The following SIAE variants were observed in gnomAD, a reference collection of about 807,000 sequenced individuals.
SIAE encodes the protein sialate O-acetylesterase.
A neutral mutation model predicts 52.6 loss-of-function variants in SIAE; 39 were observed. The observed-to-expected ratio is 0.74, with a 90% CI of 0.57 to 0.97. The LOEUF (loss-of-function observed/expected upper bound fraction) is 0.97, where lower values mean the gene tolerates loss of function less well. Among genes scored for constraint, SIAE ranks in the 50% least tolerant of loss-of-function variants. SIAE has a pLI of 0.00. For missense variants in SIAE, 592 were observed against 662.1 expected, an observed-to-expected ratio of 0.89 and a Z score of 1.16; for synonymous variants, 233 against 241.4, an observed-to-expected ratio of 0.97 and a Z score of 0.32.
intron 7 of SIAE, among the ~76,000 whole-genome samples, chr11:124,641,325 CAT>C (rs1036120733): frequency 2.6e-5 from 4 of 152,086 alleles, no homozygotes; most frequent in African/African-American, 4.8e-5. Context: ...TCACACTTCA[CAT>C]GTTAGAAGCA....
In SIAE at chr11:124,669,424, G is replaced by C. The variant is rs143489313; in HGVS notation, c.165C>G (p.Ala55=). 1.2e-6 allele frequency: 2 copies of C among 1,614,038 alleles called. No homozygotes were observed. The change falls in exon 2 of 10, where the codon GCC becomes GCG. Residue 55 remains alanine, a synonymous_variant. Coordinates refer to ENST00000263593, the MANE Select transcript of SIAE (RefSeq NM_170601.5). ...CTTGGCGCAGGGTCACGGTCACTGT[G>C]GCTCCAGGTGTACCGAAGCCCCATA... is the stretch of plus-strand genomic sequence containing the variant. The part of the protein sequence containing the change: ...AVIWGFGTPG[A]TVTVTLRQGQ...
At chr11:124,660,949 T>C (rs1003507117) in intron 2 of SIAE, 146 bp from the exon 3 acceptor site, 3 of 839,740 alleles carry the variant, frequency 3.6e-6, no homozygotes, top group East Asian at 2.5e-5. Flanking sequence ...GATAAGAGGA[T>C]AGAACTAACA....
At chr11:124,663,627 A>G (rs1943224937) in intron 2 of SIAE, among the ~76,000 whole-genome samples, 1 of 152,212 alleles carries the variant, frequency 6.6e-6, no homozygotes, top group Non-Finnish European at 1.5e-5. Flanking sequence ...AAGCATATAC[A>G]AAGGACAGCA....
intron 4 of SIAE, among the ~76,000 whole-genome samples, chr11:124,651,314 G>C (rs2134369170): frequency 6.6e-6 from 1 of 152,258 alleles, no homozygotes; most frequent in African/African-American, 2.4e-5. Context: ...TTGGGAGGCT[G>C]AAGCAGGCAG....
chr11:124,656,939 A>T lies in SIAE; in HGVS notation c.406-2146T>A, dbSNP rs1009995084. Reference sequence around the variant, plus strand: ...GCTGGCTCGCTTTCCACCCCCACCCACCCACCACAGAGAATACAGCTGGCC... The same window carrying T: ...GCTGGCTCGCTTTCCACCCCCACCCTCCCACCACAGAGAATACAGCTGGCC... On this transcript the variant is annotated intron_variant, in intron 3 of 9. Transcript: ENST00000263593. Among the ~76,000 whole-genome samples, 16 of 134,886 alleles carry T rather than the reference A, an allele frequency of 1.2e-4. No individual in the cohort carries two copies. In the Admixed American group the frequency reaches 1.2e-3, roughly 10 times the overall value. 88.5% of individuals were successfully genotyped at this position (134,886 alleles called of 152,430 possible). A position where few individuals can be genotyped will look rare whatever the true frequency, so the allele number is the denominator to read the frequency against.
intron 4 of SIAE, among the ~76,000 whole-genome samples, chr11:124,651,156 TACCATGTATCAGGA>T (rs1301241587): frequency 6.6e-6 from 1 of 152,154 alleles, no homozygotes; most frequent in Non-Finnish European, 1.5e-5. Context: ...ACAGAGCACC[TACCATGTATCAGGA>T]ACTACTAGAT....
At chr11:124,642,868 G>A (rs900188590) in intron 7 of SIAE, among the ~76,000 whole-genome samples, 9 of 152,072 alleles carry the variant, frequency 5.9e-5, no homozygotes, top group African/African-American at 1.9e-4. Flanking sequence ...TAGAAGCCAG[G>A]CCCCCTCCCC....
chr11:124,654,441 A>C, intron 4 of SIAE: 1 of 985,388 alleles, frequency 1.0e-6, no homozygotes, highest in Non-Finnish European at 1.2e-6. Context: ...TTGAAGGAAG[A>C]CTCATTTCCC....
chr11:124,659,633 CTT>C, intron 3 of SIAE: 1 of 80,934 alleles, frequency 1.2e-5, no homozygotes, highest in Admixed American at 2.0e-4. Flanking sequence ...GACCTTATCT[CTT>C]TAAAAAAAAA....
Position 124,645,457 on chromosome 11 carries a change from A to G in SIAE, c.966+1908T>C, listed in dbSNP as rs921108362. 6.6e-6 allele frequency among the ~76,000 whole-genome samples: 1 copy of G among 151,812 alleles called. No homozygotes were observed. Among genetic ancestry groups the G allele is most frequent in the Non-Finnish European group, 1.5e-5 (1 of 67,990 alleles). ...GCTGGGATTACAGGGATGCGCCACC[A>G]CACCCGACTAATTTTGTATTTTTAG... On this transcript the variant is annotated intron_variant, in intron 7 of 9. Coordinates refer to ENST00000263593, the MANE Select transcript of SIAE (RefSeq NM_170601.5). This position sits in a 1 kb window ranked among gnomAD's most constrained non-coding sequence, Gnocchi z 4.7.
Position 124,654,669 on chromosome 11 carries a change from GACC to G in SIAE, c.527_529del (p.Trp176del). 1 of 1,614,154 alleles carries G rather than the reference GACC, an allele frequency of 6.2e-7. No individual in the cohort carries two copies. On this transcript the variant is annotated inframe_deletion, in exon 4 of 10. Transcript: ENST00000263593. The stretch of plus-strand genomic sequence containing the variant: ...CCGTCACATACCTGAGGTGGGCTTA[GACC>G]ACTGCAAGTCAACCGCAACAAGGTC...
At chr11:124,652,711 A>T (rs11219742) in intron 4 of SIAE, among the ~76,000 whole-genome samples, 3 of 145,652 alleles carry the variant, frequency 2.1e-5, no homozygotes, top group African/African-American at 7.9e-5. Context: ...AAAAAAAAAA[A>T]GGGGGAAGAG....
At chr11:124,643,803 T>A (rs948995583) in intron 7 of SIAE, among the ~76,000 whole-genome samples, 1 of 152,152 alleles carries the variant, frequency 6.6e-6, no homozygotes, top group Non-Finnish European at 1.5e-5. Flanking sequence ...CAAACCATGA[T>A]CTAACTGTAA....
intron 2 of SIAE, among the ~76,000 whole-genome samples, chr11:124,663,068 C>T (rs1943213528): frequency 6.6e-6 from 1 of 151,818 alleles, no homozygotes. Context: ...CACTTGAACC[C>T]AGGAGGTGGA....
At chr11:124,671,914 A>C (rs1591398602) in intron 1 of SIAE, among the ~76,000 whole-genome samples, 2 of 148,484 alleles carry the variant, frequency 1.3e-5, no homozygotes, top group Admixed American at 1.3e-4. Flanking sequence ...GGCATGTGCC[A>C]CCACACCTGG....
chr11:124,636,767 G>A lies in SIAE; in HGVS notation c.*184C>T, dbSNP rs1487929954. On this transcript the variant is annotated 3_prime_UTR_variant, in exon 10 of 10. Coordinates refer to ENST00000263593, the MANE Select transcript of SIAE (RefSeq NM_170601.5). ...AGACCAACTAGGGAACAAAAAGCAA[G>A]CATTTCAAGTTACCTATAAGCCTGG... 3.7e-6 allele frequency: 3 copies of A among 805,916 alleles called. No individual in the cohort carries two copies. The highest frequency in any genetic ancestry group is 5.9e-6 in the Non-Finnish European group (3 of 509,274). The allele number at this position is 805,916 out of a possible 1,614,324, so 49.9% of individuals were successfully genotyped here.
chr11:124,672,577 G>A (rs1943381345), intron 1 of SIAE, among the ~76,000 whole-genome samples: 2 of 152,178 alleles, frequency 1.3e-5, no homozygotes, highest in African/African-American at 4.8e-5. Context: ...AAGACCCAAA[G>A]GAGGAGATAA....
chr11:124,671,317 A>AATATTT (rs1277180981), intron 1 of SIAE, among the ~76,000 whole-genome samples: 2 of 152,218 alleles, frequency 1.3e-5, no homozygotes, highest in Non-Finnish European at 2.9e-5. Context: ...TAATTCAACA[A>AATATTT]ATATTTATTG....
chr11:124,637,871 T>C (rs1211328161), intron 9 of SIAE, among the ~76,000 whole-genome samples: 1 of 152,186 alleles, frequency 6.6e-6, no homozygotes, highest in African/African-American at 2.4e-5. Context: ...TTGCCTTTAA[T>C]ATTCTTTTCT....
Sources: gnomAD v4.1 joint callset for allele counts (sites outside exome capture counted in the v4.1 genomes callset) on GRCh38, gnomAD v4.1.1 for gene constraint, Gnocchi (gnomAD v3.1) non-coding constraint, MANE v1.5 for transcripts, NCBI Gene and HGNC (gene_info 2026-07-23, HGNC 2026-07-21) for gene names.